ISM1: variants seen among roughly 807,000 people sequenced by gnomAD.
ISM1 encodes isthmin 1, also known as isthmin-1.
ISM1 carries 25 observed loss-of-function variants against 46.3 expected under a neutral mutation model. That is an observed-to-expected ratio of 0.54 (90% CI 0.39 to 0.75). The LOEUF (loss-of-function observed/expected upper bound fraction) is 0.75, where lower values mean the gene tolerates loss of function less well. Ranked by LOEUF, ISM1 falls within the 30% of genes least tolerant of loss-of-function variation. The probability of loss-of-function intolerance (pLI) is 0.00; values close to 1 mark genes in which losing one functional copy is unlikely to be tolerated. For missense variants in ISM1, 536 were observed against 625.4 expected, an observed-to-expected ratio of 0.86 and a Z score of 1.52; for synonymous variants, 255 against 256.7, an observed-to-expected ratio of 0.99 and a Z score of 0.06.
the ISM1 span, among the ~76,000 whole-genome samples, chr20:13,326,107 C>T: frequency 4.5e-4 from 68 of 152,276 alleles, no homozygotes; most frequent in Middle Eastern, 6.8e-3. Flanking sequence ...CAGCATAAGG[C>T]CTTTGAGATT....
rs767560781 is a variant in ISM1 at position 13,299,297 on chromosome 20, C to T, written c.1233C>T (p.Ser411=). The T allele has an allele frequency of 1.9e-6, 3 of 1,613,212 alleles. No individual in the cohort carries two copies. Among genetic ancestry groups the T allele is most frequent in the Non-Finnish European group, 2.5e-6 (3 of 1,179,550 alleles). ...GTPNLISTEF[S]AELHYKVDVL... is the part of the protein sequence containing the mutation. ...CCAACCTCATCAGCACCGAGTTCTC[C>T]GCGGAGCTCCACTACAAGGTGGACG... Residue 411 remains serine (S), a synonymous_variant, in exon 6 of 6, where the codon TCC becomes TCT. Coordinates refer to ENST00000262487, the MANE Select transcript of ISM1 (RefSeq NM_080826.2). This position sits in a 1 kb window ranked among gnomAD's most constrained non-coding sequence, Gnocchi z 5.8.
chr20:13,263,952 G>A lies in ISM1; in HGVS notation c.139-6552G>A, dbSNP rs544837612. On this transcript the variant is annotated intron_variant, in intron 1 of 5. Coordinates refer to ENST00000262487, the MANE Select transcript of ISM1 (RefSeq NM_080826.2). ...ATCTTCTTTAATATCTTCAGTAGAA[G>A]ATTCCTAGGGTTTTTTTGTTTTTCT... 2.6e-5 allele frequency among the ~76,000 whole-genome samples: 4 copies of A among 151,410 alleles called. No individual in the cohort carries two copies. The East Asian group carries it at 7.8e-4, about 30-fold the overall frequency.
intron 1 of ISM1, among the ~76,000 whole-genome samples, chr20:13,253,960 A>G (rs1324803347): frequency 1.3e-5 from 2 of 151,422 alleles, no homozygotes; most frequent in East Asian, 3.9e-4. Flanking sequence ...GCTCATGCCT[A>G]TAATCCCAGC....
At chr20:13,296,484 C>T (rs1265554316) in intron 5 of ISM1, among the ~76,000 whole-genome samples, 1 of 152,164 alleles carries the variant, frequency 6.6e-6, no homozygotes, top group Non-Finnish European at 1.5e-5. Context: ...ACGCTGTGAC[C>T]ATAAGATCTG....
intron 1 of ISM1, among the ~76,000 whole-genome samples, chr20:13,254,106 G>A (rs930700576): frequency 6.6e-6 from 1 of 150,646 alleles, no homozygotes; most frequent in African/African-American, 2.4e-5. Flanking sequence ...GGTGGTACAT[G>A]CCTGTAATCC....
At chr20:13,290,045 T>C (rs944545944) in intron 4 of ISM1, among the ~76,000 whole-genome samples, 1 of 152,176 alleles carries the variant, frequency 6.6e-6, no homozygotes, top group Non-Finnish European at 1.5e-5. Flanking sequence ...TTGGAATGAA[T>C]GTGTATGTTA....
chr20:13,264,739 G>T (rs1217937180), intron 1 of ISM1, among the ~76,000 whole-genome samples: 1 of 152,198 alleles, frequency 6.6e-6, no homozygotes, highest in Non-Finnish European at 1.5e-5. Context: ...GGACCAGGAT[G>T]TACTCAGTAT....
the ISM1 span, among the ~76,000 whole-genome samples, chr20:13,321,253 T>TAAAAAAAAA: frequency 3.1e-4 from 18 of 57,516 alleles, no homozygotes; most frequent in African/African-American, 7.6e-4. Flanking sequence ...GTGCCCCACA[T>TAAAAAAAAA]AAAAAAAAAA....
At chr20:13,221,971 G>T (rs2039454916) in intron 1 of ISM1, 57 bp downstream of exon 1, 1 of 1,292,732 alleles carries the variant, frequency 7.7e-7, no homozygotes, top group Non-Finnish European at 9.8e-7. Context: ...TGTGGGGCGG[G>T]GGTGCTGAGC....
chr20:13,257,250 C>T (rs2039939091), intron 1 of ISM1, among the ~76,000 whole-genome samples: 1 of 152,148 alleles, frequency 6.6e-6, no homozygotes, highest in African/African-American at 2.4e-5. Context: ...CTCGATGGCT[C>T]ATGCCTGTAA....
chr20:13,300,044 G>A lies in ISM1; in HGVS notation c.*585G>A, dbSNP rs2040445424. The A allele has an allele frequency of 6.6e-6, 1 of 152,224 alleles. No individual in the cohort carries two copies. The highest frequency in any genetic ancestry group is 1.5e-5 in the Non-Finnish European group (1 of 68,120). 9.4% of individuals were successfully genotyped at this position (152,224 alleles called of 1,614,324 possible). A position where few individuals can be genotyped will look rare whatever the true frequency, so the allele number is the denominator to read the frequency against. On this transcript the variant is annotated 3_prime_UTR_variant, in exon 6 of 6. Coordinates refer to ENST00000262487, the MANE Select transcript of ISM1 (RefSeq NM_080826.2). ...TGTAAACGCCCACCTTAAACCAAAT[G>A]TTATTTGGTCATGAGGCACCTTGCT...
At chr20:13,248,902 T>C (rs1187765172) in intron 1 of ISM1, among the ~76,000 whole-genome samples, 1 of 152,136 alleles carries the variant, frequency 6.6e-6, no homozygotes, top group African/African-American at 2.4e-5. Context: ...TGAAAGTATA[T>C]GATGTAAGAG....
intron 1 of ISM1, among the ~76,000 whole-genome samples, chr20:13,231,728 AC>A (rs1297625108): frequency 6.6e-6 from 1 of 152,172 alleles, no homozygotes; most frequent in African/African-American, 2.4e-5. Context: ...AGACAGCAAC[AC>A]CCACATTCCC....
intron 1 of ISM1, among the ~76,000 whole-genome samples, chr20:13,222,888 C>G (rs890310600): frequency 2.0e-4 from 31 of 152,168 alleles, no homozygotes; most frequent in Non-Finnish European, 2.5e-4. Flanking sequence ...TCAAACCAGG[C>G]GCGGTGGCTC....
intron 2 of ISM1, among the ~76,000 whole-genome samples, chr20:13,275,738 CT>C (rs1252355011): frequency 6.6e-6 from 1 of 152,200 alleles, no homozygotes; most frequent in Non-Finnish European, 1.5e-5. Flanking sequence ...ATAGGATAAG[CT>C]TCCTAGAACG....
At chr20:13,262,780 C>T (rs2040002143) in intron 1 of ISM1, among the ~76,000 whole-genome samples, 1 of 152,176 alleles carries the variant, frequency 6.6e-6, no homozygotes, top group Non-Finnish European at 1.5e-5. Context: ...AGGAGAGATA[C>T]ACAGGGATGG....
At chr20:13,310,144 G>A in the ISM1 span, among the ~76,000 whole-genome samples, 9 of 152,148 alleles carry the variant, frequency 5.9e-5, no homozygotes, top group Non-Finnish European at 1.3e-4. Context: ...GCAATCTTGA[G>A]CAAAAGGAAC....
chr20:13,279,936 G>A (rs780305491), intron 3 of ISM1, 38 bp downstream of exon 3: 1 of 1,587,228 alleles, frequency 6.3e-7, no homozygotes, highest in Admixed American at 1.7e-5. Flanking sequence ...TTGGTGGGAA[G>A]AATAAACGAG....
chr20:13,284,468 T>G (rs2123295515), intron 3 of ISM1, among the ~76,000 whole-genome samples: 1 of 152,362 alleles, frequency 6.6e-6, no homozygotes, highest in South Asian at 2.1e-4. Context: ...TGTCATTATC[T>G]TTGTGATTAT....
Sources: gnomAD v4.1 joint callset for allele counts (sites outside exome capture counted in the v4.1 genomes callset) on GRCh38, gnomAD v4.1.1 for gene constraint, Gnocchi (gnomAD v3.1) non-coding constraint, MANE v1.5 for transcripts, NCBI Gene and HGNC (gene_info 2026-07-23, HGNC 2026-07-21) for gene names.